ANO2: variants seen among roughly 807,000 people sequenced by gnomAD.
The protein encoded by ANO2 is anoctamin 2, also known as anoctamin-2.
A neutral mutation model predicts 124.2 loss-of-function variants in ANO2; 101 were observed. The observed-to-expected ratio is 0.81, with a 90% CI of 0.69 to 0.96. The LOEUF is 0.96. Among genes scored for constraint, ANO2 ranks in the 40% least tolerant of loss-of-function variants. The pLI is 0.00. For synonymous variants in ANO2, 486 were observed against 482.5 expected, an observed-to-expected ratio of 1.01 and a Z score of -0.09; for missense variants, 1,293 against 1,274.5, an observed-to-expected ratio of 1.01 and a Z score of -0.22.
At chr12:5,771,749 C>T (rs1427029084) in intron 10 of ANO2, among the ~76,000 whole-genome samples, 2 of 151,744 alleles carry the variant, frequency 1.3e-5, no homozygotes, top group Admixed American at 1.3e-4. Flanking sequence ...CACGGCACCC[C>T]AGAGCAAGAT....
chr12:5,678,270 A>G (rs1420964776), intron 14 of ANO2, among the ~76,000 whole-genome samples: 1 of 152,142 alleles, frequency 6.6e-6, no homozygotes, highest in African/African-American at 2.4e-5. Flanking sequence ...CTTGATGGCT[A>G]TATCTCTACC....
At position 5,808,947 on chromosome 12, in the gene ANO2, G is replaced by A. The variant is rs112527027; in HGVS notation, c.893-1579C>T. 5.8e-3 allele frequency among the ~76,000 whole-genome samples: 882 copies of A among 152,270 alleles called. 5 individuals carry two copies. Among genetic ancestry groups the A allele is most frequent in the Non-Finnish European group, 0.01 (683 of 68,024 alleles). On this transcript the variant is annotated intron_variant, in intron 7 of 24. Coordinates refer to ENST00000682330, the MANE Select transcript of ANO2 (RefSeq NM_001364791.2). The stretch of plus-strand genomic sequence containing the variant: ...AGGCCCCACGTGGGAGCAGAGGCCC[G>A]CGGCAGGCTGCCAGGTGTGCCCAGT...
chr12:5,934,781 C>A (rs1942577774), intron 1 of ANO2, among the ~76,000 whole-genome samples: 1 of 152,198 alleles, frequency 6.6e-6, no homozygotes, highest in African/African-American at 2.4e-5. Context: ...TGGGCTCCCT[C>A]CGTGTCCCTC....
chr12:5,926,948 C>T (rs1246436265), intron 1 of ANO2, among the ~76,000 whole-genome samples: 1 of 152,184 alleles, frequency 6.6e-6, no homozygotes, highest in African/African-American at 2.4e-5. Flanking sequence ...TGTGATGATA[C>T]AGTAAGAGAA....
chr12:5,653,840 T>C (rs1947035809), intron 14 of ANO2, among the ~76,000 whole-genome samples: 1 of 152,110 alleles, frequency 6.6e-6, no homozygotes, highest in African/African-American at 2.4e-5. Flanking sequence ...CTAGGAGACA[T>C]TTCAACTGTG....
intron 3 of ANO2, among the ~76,000 whole-genome samples, chr12:5,888,201 C>A (rs750067625): frequency 3.3e-5 from 5 of 151,900 alleles, no homozygotes; most frequent in Non-Finnish European, 7.4e-5. Context: ...GTGAGTGTTA[C>A]AGCTCTTAAG....
chr12:5,688,546 T>A (rs1383711871), intron 14 of ANO2, among the ~76,000 whole-genome samples: 1 of 152,234 alleles, frequency 6.6e-6, no homozygotes. Context: ...ACTAATCCTA[T>A]CTGCATCTAC....
chr12:5,876,800 G>A (rs1348977019), intron 3 of ANO2, among the ~76,000 whole-genome samples: 1 of 152,166 alleles, frequency 6.6e-6, no homozygotes, highest in Non-Finnish European at 1.5e-5. Flanking sequence ...GACACAGGGA[G>A]GGGAACATCA....
chr12:5,702,842 A>G (rs1041872245), intron 14 of ANO2, among the ~76,000 whole-genome samples: 2 of 152,230 alleles, frequency 1.3e-5, no homozygotes, highest in Non-Finnish European at 2.9e-5. Flanking sequence ...TCAATTGACA[A>G]AAAATTAAAA....
chr12:5,932,703 AGAGGAAGGAAAGTAGACCAGT>A (rs1942465919), intron 1 of ANO2, among the ~76,000 whole-genome samples: 1 of 151,612 alleles, frequency 6.6e-6, no homozygotes, highest in Non-Finnish European at 1.5e-5. Context: ...GGTAGACTAG[AGAGGAAGGAAAGTAGACCAGT>A]GAGGAAGGAA....
chr12:5,927,669 C>A (rs940440692), intron 1 of ANO2, among the ~76,000 whole-genome samples: 2 of 152,220 alleles, frequency 1.3e-5, no homozygotes, highest in African/African-American at 4.8e-5. Flanking sequence ...GCCCATGCTA[C>A]GTCCTGATAT....
At chr12:5,752,664 C>T (rs1951472643) in intron 10 of ANO2, among the ~76,000 whole-genome samples, 1 of 152,138 alleles carries the variant, frequency 6.6e-6, no homozygotes, top group African/African-American at 2.4e-5. Flanking sequence ...TATTTTCTCC[C>T]ATTCTGCATA....
chr12:5,923,127 CCCACAT>C (rs1941843094), intron 1 of ANO2, among the ~76,000 whole-genome samples: 11 of 44,730 alleles, frequency 2.5e-4, no homozygotes, highest in Admixed American at 3.0e-4. Flanking sequence ...CGCACACACA[CCCACAT>C]ACACACACAT....
chr12:5,673,829 A>C (rs1414045360), intron 14 of ANO2, among the ~76,000 whole-genome samples: 3 of 152,182 alleles, frequency 2.0e-5, no homozygotes, highest in Non-Finnish European at 2.9e-5. Context: ...AGGGGATCGC[A>C]TGGGTCCTTA....
chr12:5,701,138 G>T (rs1280718753), intron 14 of ANO2, among the ~76,000 whole-genome samples: 1 of 126,680 alleles, frequency 7.9e-6, no homozygotes, highest in Non-Finnish European at 1.6e-5. Context: ...CTGTCGCCCG[G>T]GCAGGGTGAC....
chr12:5,801,530 T>C (rs1185568770), intron 9 of ANO2, among the ~76,000 whole-genome samples: 1 of 152,198 alleles, frequency 6.6e-6, no homozygotes, highest in Non-Finnish European at 1.5e-5. Context: ...CAGAGAGCCA[T>C]CCTGTTTACC....
At chr12:5,571,447 A>G (rs556105525) in intron 23 of ANO2, among the ~76,000 whole-genome samples, 1 of 152,318 alleles carries the variant, frequency 6.6e-6, no homozygotes, top group African/African-American at 2.4e-5. Flanking sequence ...AGATACCTCT[A>G]TCCCTGGCGA....
chr12:5,587,558 G>A (rs1456483328), intron 20 of ANO2, among the ~76,000 whole-genome samples: 1 of 152,202 alleles, frequency 6.6e-6, no homozygotes, highest in Admixed American at 6.5e-5. Context: ...GCCCCATTTT[G>A]GGGTAGGGGA....
intron 14 of ANO2, among the ~76,000 whole-genome samples, chr12:5,671,879 T>TGAA (rs1948025207): frequency 6.6e-6 from 1 of 152,190 alleles, no homozygotes; most frequent in African/African-American, 2.4e-5. Context: ...AACTTTTCCT[T>TGAA]GAGCTCTTGC....
Sources: allele counts gnomAD v4.1 joint callset (sites outside exome capture counted in the v4.1 genomes callset), GRCh38; gene constraint gnomAD v4.1.1; transcripts MANE v1.5; gene names NCBI Gene and HGNC (gene_info 2026-07-23, HGNC 2026-07-21).